The following CNTN4 variants were observed in gnomAD, a reference collection of about 807,000 sequenced individuals.
CNTN4 encodes contactin 4.
A neutral mutation model predicts 122.5 loss-of-function variants in CNTN4; 77 were observed. The ratio of observed to expected loss-of-function variants is 0.63; its 90% CI spans 0.52 to 0.76. The LOEUF (loss-of-function observed/expected upper bound fraction) is 0.76, where lower values mean the gene tolerates loss of function less well. CNTN4 is among the 30% of genes least tolerant of loss of function. The probability of loss-of-function intolerance (pLI) is 0.00; values close to 1 mark genes in which losing one functional copy is unlikely to be tolerated. For missense variants in CNTN4, 1,256 were observed against 1,259.1 expected (o/e 1.00, Z 0.04); for synonymous variants, 512 against 447.0 (o/e 1.15, Z -1.83).
intron 2 of CNTN4, among the ~76,000 whole-genome samples, chr3:2,192,102 C>G (rs7427230): frequency 0.7 from 105,018 of 150,948 alleles, 37,621 homozygotes; most frequent in South Asian, 0.83. Context: ...GTGTATATGT[C>G]CCACATTTTC....
At chr3:2,320,110 G>C (rs965289023) in intron 2 of CNTN4, among the ~76,000 whole-genome samples, 1 of 152,074 alleles carries the variant, frequency 6.6e-6, no homozygotes, top group Non-Finnish European at 1.5e-5. Flanking sequence ...AGGCTGTTGG[G>C]GATATAATTC....
At chr3:2,535,098 G>A (rs370161714) in intron 3 of CNTN4, among the ~76,000 whole-genome samples, 6 of 152,206 alleles carry the variant, frequency 3.9e-5, no homozygotes, top group South Asian at 4.1e-4. Context: ...CTTTAAATAG[G>A]AATACCTGTC....
At chr3:2,830,650 A>G (rs950698695) in intron 7 of CNTN4, among the ~76,000 whole-genome samples, 1 of 152,224 alleles carries the variant, frequency 6.6e-6, no homozygotes, top group South Asian at 2.1e-4. Flanking sequence ...CTGAGCTTTC[A>G]ACAACATGAA....
At chr3:2,961,123 G>A (rs111587235) in intron 13 of CNTN4, among the ~76,000 whole-genome samples, 27,430 of 109,736 alleles carry the variant, frequency 0.25, 3,971 homozygotes, top group East Asian at 0.51. Context: ...CCAGCTACTC[G>A]GGAGGCTGAG....
At chr3:2,280,522 C>G (rs2041677024) in intron 2 of CNTN4, among the ~76,000 whole-genome samples, 1 of 152,084 alleles carries the variant, frequency 6.6e-6, no homozygotes, top group Admixed American at 6.5e-5. Context: ...GACAGACAGT[C>G]ACTAAAAATT....
intron 2 of CNTN4, among the ~76,000 whole-genome samples, chr3:2,321,387 G>A (rs1479212373): frequency 6.6e-6 from 1 of 152,080 alleles, no homozygotes; most frequent in Non-Finnish European, 1.5e-5. Context: ...TAATAAGGCT[G>A]TCCCCACAGA....
chr3:2,734,500 A>G (rs2088936538), intron 4 of CNTN4, among the ~76,000 whole-genome samples: 1 of 151,962 alleles, frequency 6.6e-6, no homozygotes, highest in African/African-American at 2.4e-5. Flanking sequence ...AGGCATTGAA[A>G]CTCAGTCCAT....
intron 3 of CNTN4, among the ~76,000 whole-genome samples, chr3:2,565,570 A>G (rs2079123148): frequency 6.6e-6 from 1 of 152,210 alleles, no homozygotes; most frequent in South Asian, 2.1e-4. Context: ...TTGTATGGTC[A>G]ATAATCTTTC....
In CNTN4 at chr3:2,761,438, CTGTGTGTG is replaced by C. The variant is rs113454553; in HGVS notation, c.358+15769_358+15776del. On this transcript the variant is annotated intron_variant, in intron 6 of 24. Transcript: ENST00000418658. ...ATTAAATATGCCTGGTAAGTGTAAC[CTGTGTGTG>C]TGTGTGTGTGTGTGTGTGTGTGTGT... 1.5e-3 allele frequency among the ~76,000 whole-genome samples: 142 copies of C among 92,762 alleles called. 1 individual carries two copies. In the East Asian group the frequency reaches 0.023, roughly 15 times the overall value. 60.9% of individuals were successfully genotyped at this position (92,762 alleles called of 152,430 possible).
chr3:2,200,579 A>G (rs760754513), intron 2 of CNTN4, among the ~76,000 whole-genome samples: 5 of 152,218 alleles, frequency 3.3e-5, no homozygotes, highest in African/African-American at 4.8e-5. Flanking sequence ...CCAAAGGTCA[A>G]TAGTGCCAAG....
intron 2 of CNTN4, among the ~76,000 whole-genome samples, chr3:2,255,113 G>A (rs2040527763): frequency 6.6e-6 from 1 of 152,194 alleles, no homozygotes; most frequent in African/African-American, 2.4e-5. Flanking sequence ...CGGCTAGCCA[G>A]TTTTCCCAAC....
chr3:2,700,227 A>G (rs1576493808), intron 4 of CNTN4, among the ~76,000 whole-genome samples: 2 of 152,204 alleles, frequency 1.3e-5, no homozygotes, highest in African/African-American at 2.4e-5. Context: ...AAAATTAGAG[A>G]TGTAATAACC....
At chr3:2,404,647 G>T (rs548488148) in intron 3 of CNTN4, among the ~76,000 whole-genome samples, 85 of 152,204 alleles carry the variant, frequency 5.6e-4, no homozygotes, top group African/African-American at 1.9e-3. Flanking sequence ...TAATCTCCCT[G>T]TTGTAAAGTC....
intron 2 of CNTN4, among the ~76,000 whole-genome samples, chr3:2,118,580 T>C (rs937024042): frequency 4.6e-5 from 7 of 152,246 alleles, no homozygotes; most frequent in Admixed American, 2.0e-4. Flanking sequence ...TTATATATTA[T>C]TCATTAATCT....
In CNTN4 at chr3:2,408,136, A is replaced by G. The variant is rs148928007; in HGVS notation, c.-89+68903A>G. Among the ~76,000 whole-genome samples the G allele has an allele frequency of 3.3e-5, 5 of 152,316 alleles. No individual in the cohort carries two copies. The East Asian group carries it at 9.6e-4, about 29-fold the overall frequency. On this transcript the variant is annotated intron_variant, in intron 3 of 24. Coordinates refer to ENST00000418658, the MANE Select transcript of CNTN4 (RefSeq NM_175607.3). ...AACTGTGTCATACAGTATATGACCAAGTAGATATTTTTCTGTACATCCTAA... is the reference window on the plus strand; with the variant it reads ...AACTGTGTCATACAGTATATGACCAGGTAGATATTTTTCTGTACATCCTAA...
At chr3:2,301,579 CAT>C (rs1216477208) in intron 2 of CNTN4, among the ~76,000 whole-genome samples, 1 of 152,132 alleles carries the variant, frequency 6.6e-6, no homozygotes, top group Non-Finnish European at 1.5e-5. Context: ...ACAGCTTCAC[CAT>C]ATGTTTTATT....
chr3:2,368,976 G>C (rs934823302), intron 3 of CNTN4, among the ~76,000 whole-genome samples: 1 of 152,130 alleles, frequency 6.6e-6, no homozygotes, highest in Non-Finnish European at 1.5e-5. Flanking sequence ...CCAGGTTGGA[G>C]TGCAGTGGCA....
chr3:2,614,223 T>C (rs1414163342), intron 4 of CNTN4, among the ~76,000 whole-genome samples: 1 of 152,048 alleles, frequency 6.6e-6, no homozygotes, highest in Non-Finnish European at 1.5e-5. Context: ...ATTCTAAGCA[T>C]TGGAAATAGC....
chr3:2,701,480 G>C (rs2086356050), intron 4 of CNTN4, among the ~76,000 whole-genome samples: 1 of 152,204 alleles, frequency 6.6e-6, no homozygotes, highest in African/African-American at 2.4e-5. Context: ...ATAGATGAAA[G>C]GGCGTTTGAG....
Sources: allele counts gnomAD v4.1 joint callset (sites outside exome capture counted in the v4.1 genomes callset), GRCh38; gene constraint gnomAD v4.1.1; transcripts MANE v1.5; gene names NCBI Gene and HGNC (gene_info 2026-07-23, HGNC 2026-07-21).